Variants in BLVRA observed in about 807,000 individuals in gnomAD.
The protein encoded by BLVRA is BVR A.
Under a neutral mutation model 32.8 loss-of-function variants are expected in BLVRA, and 22 were observed. The ratio of observed to expected loss-of-function variants is 0.67; its 90% CI spans 0.48 to 0.96. The LOEUF (loss-of-function observed/expected upper bound fraction) is 0.96, where lower values mean the gene tolerates loss of function less well. BLVRA is among the 40% of genes least tolerant of loss of function. The pLI is 0.00. For synonymous variants in BLVRA, 119 were observed against 141.3 expected (o/e 0.84, Z 1.12); for missense variants, 323 against 358.1 (o/e 0.90, Z 0.79).
At position 43,775,151 on chromosome 7, in the gene BLVRA, C is replaced by T. The variant is rs1229893070; in HGVS notation, c.12+3981C>T. The stretch of plus-strand genomic sequence containing the variant: ...TTTATTTCCTTCTCCTGCCTGATTG[C>T]CCTGGCCAGAACTTCCAACACTATG... On this transcript the variant is annotated intron_variant, in intron 2 of 7. Coordinates refer to ENST00000265523, the MANE Select transcript of BLVRA (RefSeq NM_000712.4). 3.3e-5 allele frequency among the ~76,000 whole-genome samples: 5 copies of T among 152,018 alleles called. No homozygotes were observed. In the East Asian group the frequency reaches 9.6e-4, roughly 29 times the overall value.
At chr7:43,760,520 A>G (rs553001784) in intron 1 of BLVRA, among the ~76,000 whole-genome samples, 85 of 152,306 alleles carry the variant, frequency 5.6e-4, no homozygotes, top group Admixed American at 2.4e-3. Flanking sequence ...ATTTATCAGT[A>G]GTAACAGGTT....
chr7:43,799,433 T>C (rs540899771), intron 5 of BLVRA, among the ~76,000 whole-genome samples: 1 of 152,188 alleles, frequency 6.6e-6, no homozygotes, highest in Non-Finnish European at 1.5e-5. Flanking sequence ...CGAAAAAATT[T>C]TATATAGCAA....
intron 3 of BLVRA, among the ~76,000 whole-genome samples, chr7:43,790,787 C>G (rs2095784905): frequency 6.6e-6 from 1 of 152,212 alleles, no homozygotes; most frequent in Non-Finnish European, 1.5e-5. Flanking sequence ...ATTCTCCTGC[C>G]TCAGCCTCCC....
intron 1 of BLVRA, among the ~76,000 whole-genome samples, chr7:43,769,607 CT>C (rs770706689): frequency 2.6e-3 from 382 of 144,362 alleles, no homozygotes; most frequent in African/African-American, 6.8e-3. Flanking sequence ...AGGCTATTTT[CT>C]TTTTTTTTTT....
intron 5 of BLVRA, 113 bp downstream of exon 5, chr7:43,792,925 G>A: frequency 9.6e-7 from 1 of 1,047,102 alleles, no homozygotes; most frequent in Non-Finnish European, 1.4e-6. Context: ...CACTGGCACT[G>A]TGGGCTCCCA....
intron 1 of BLVRA, among the ~76,000 whole-genome samples, chr7:43,763,644 C>T (rs981383135): frequency 3.3e-5 from 5 of 152,202 alleles, no homozygotes; most frequent in Admixed American, 6.5e-5. Flanking sequence ...GAAGTAATGT[C>T]GTGTCATTCT....
rs571525830 is a variant in BLVRA, at chr7:43,776,600, G to A, written c.12+5430G>A. Among the ~76,000 whole-genome samples, 21 of 152,208 alleles carry A rather than the reference G, an allele frequency of 1.4e-4. No individual in the cohort carries two copies. The East Asian group carries it at 1.9e-3, about 14-fold the overall frequency. On this transcript the variant is annotated intron_variant, in intron 2 of 7. Transcript: ENST00000265523. The stretch of plus-strand genomic sequence containing the variant: ...TTTGGAATAGGTCTGGTGTGGTGCC[G>A]AAAAAAATGTATATTCTGTTGATTT...
intron 2 of BLVRA, among the ~76,000 whole-genome samples, chr7:43,774,796 G>T (rs916660361): frequency 7.2e-5 from 11 of 152,258 alleles, no homozygotes; most frequent in African/African-American, 2.6e-4. Flanking sequence ...CCATTTGTTT[G>T]TATCCTCTTT....
At chr7:43,792,626 T>C in intron 4 of BLVRA, 89 bp from the exon 5 acceptor site, 1 of 1,292,038 alleles carries the variant, frequency 7.7e-7, no homozygotes, top group African/African-American at 1.5e-5. Context: ...CTCTCATGCC[T>C]TTATAACATT....
At chr7:43,784,200 G>C (rs1380130835) in intron 2 of BLVRA, among the ~76,000 whole-genome samples, 4 of 152,142 alleles carry the variant, frequency 2.6e-5, no homozygotes, top group Admixed American at 1.3e-4. Context: ...AGGGCTATTT[G>C]TAGTGGCATT....
rs767872018 is a variant in BLVRA, at chr7:43,791,344, G to A, written c.230G>A (p.Ser77Asn). The A allele has an allele frequency of 6.2e-7, 1 of 1,614,156 alleles. No homozygotes were observed. The highest frequency in any genetic ancestry group is 8.5e-7 in the Non-Finnish European group (1 of 1,180,018). ...GAGGTCGCCTATATCTGCAGTGAGA[G>A]CTCCAGCCATGAGGACTACATCAGG... ...EVEVAYICSE[S>N]SSHEDYIRQF... The change falls in exon 4 of 8, where the codon AGC becomes AAC. Residue 77 changes from serine to asparagine, a missense_variant. Physicochemically the swap from Ser to Asn is conservative, Grantham distance 46. Coordinates refer to ENST00000265523, the MANE Select transcript of BLVRA (RefSeq NM_000712.4).
chr7:43,798,009 C>G (rs542995893), intron 5 of BLVRA, among the ~76,000 whole-genome samples: 3 of 151,804 alleles, frequency 2.0e-5, no homozygotes, highest in Non-Finnish European at 2.9e-5. Context: ...CTGGCCTACA[C>G]TGTGAAACCC....
chr7:43,773,556 G>A (rs1460248598), intron 2 of BLVRA, among the ~76,000 whole-genome samples: 1 of 152,178 alleles, frequency 6.6e-6, no homozygotes, highest in East Asian at 1.9e-4. Flanking sequence ...CATTTGGGTT[G>A]GTTCCAAGTC....
At chr7:43,786,457 C>T (rs1478086367) in intron 2 of BLVRA, among the ~76,000 whole-genome samples, 1 of 152,162 alleles carries the variant, frequency 6.6e-6, no homozygotes, top group Non-Finnish European at 1.5e-5. Flanking sequence ...TTTCTCTACC[C>T]TCAATAATTG....
chr7:43,777,442 CTTTT>C (rs2095762694), intron 2 of BLVRA, among the ~76,000 whole-genome samples: 1 of 125,396 alleles, frequency 8.0e-6, no homozygotes, highest in African/African-American at 3.0e-5. Flanking sequence ...GTTGAAAATT[CTTTT>C]CTTTAAGAAT....
rs2095801474 is a variant in BLVRA, at chr7:43,803,906, G to A, written c.632+59G>A. 8 of 1,600,570 alleles carry A rather than the reference G, an allele frequency of 5.0e-6. No individual in the cohort carries two copies. The South Asian group carries it at 7.7e-5, about 15-fold the overall frequency. Reference sequence around the variant, plus strand: ...TTAAGGACATCCTAGTACATTTGCAGGTATGATCCAAAGGGAGCCCCGAGG... The same window carrying A: ...TTAAGGACATCCTAGTACATTTGCAAGTATGATCCAAAGGGAGCCCCGAGG... On this transcript the variant is annotated intron_variant, in intron 7 of 7. Transcript: ENST00000265523.
intron 2 of BLVRA, among the ~76,000 whole-genome samples, chr7:43,775,848 T>C (rs1354227570): frequency 2.0e-5 from 3 of 152,254 alleles, no homozygotes; most frequent in South Asian, 2.1e-4. Context: ...GAGATTCAAC[T>C]TCTTCCTGGT....
At chr7:43,805,883 C>T (rs187765674) in intron 7 of BLVRA, among the ~76,000 whole-genome samples, 15 of 152,278 alleles carry the variant, frequency 9.9e-5, no homozygotes, top group Non-Finnish European at 1.6e-4. Context: ...GCATTTTTAT[C>T]TCACAATGTC....
At chr7:43,783,518 A>G (rs1379169661) in intron 2 of BLVRA, among the ~76,000 whole-genome samples, 1 of 152,198 alleles carries the variant, frequency 6.6e-6, no homozygotes, top group African/African-American at 2.4e-5. Context: ...AATACTCTAT[A>G]TCACGAGTCT....
Sources: allele counts gnomAD v4.1 joint callset (sites outside exome capture counted in the v4.1 genomes callset), GRCh38; gene constraint gnomAD v4.1.1; transcripts MANE v1.5; gene names NCBI Gene and HGNC (gene_info 2026-07-23, HGNC 2026-07-21).